PIP5K1B: variants seen among roughly 807,000 people sequenced by gnomAD.
The protein encoded by PIP5K1B is phosphatidylinositol 4-phosphate 5-kinase type-1 beta.
In PIP5K1B, 42 loss-of-function variants were observed where a neutral mutation model predicts 67.0. The ratio of observed to expected loss-of-function variants is 0.63; its 90% confidence interval spans 0.49 to 0.81. The LOEUF (loss-of-function observed/expected upper bound fraction) is 0.81. Ranked by LOEUF, PIP5K1B falls within the 30% of genes least tolerant of loss-of-function variation. PIP5K1B has a pLI of 0.00. For synonymous variants in PIP5K1B, 214 were observed against 231.4 expected (o/e 0.92, Z 0.68); for missense variants, 459 against 646.3 (o/e 0.71, Z 3.14).
chr9:68,758,008 C>G (rs893747589), intron 2 of PIP5K1B, among the ~76,000 whole-genome samples: 1 of 152,138 alleles, frequency 6.6e-6, no homozygotes, highest in African/African-American at 2.4e-5. Flanking sequence ...CCTGTTACTT[C>G]ACTATGGCTA....
chr9:68,930,172 C>T (rs377537782), intron 12 of PIP5K1B, among the ~76,000 whole-genome samples: 97 of 152,282 alleles, frequency 6.4e-4, no homozygotes, highest in African/African-American at 2.0e-3. Context: ...GGCTCTGACT[C>T]GGTCTCTTCT....
At chr9:68,832,610 C>G (rs1308374554) in intron 4 of PIP5K1B, among the ~76,000 whole-genome samples, 2 of 152,144 alleles carry the variant, frequency 1.3e-5, no homozygotes, top group Non-Finnish European at 2.9e-5. Flanking sequence ...GAAGATGGGC[C>G]GTGGGCTCTG....
intron 13 of PIP5K1B, among the ~76,000 whole-genome samples, chr9:68,935,594 A>T (rs1457486896): frequency 2.0e-5 from 3 of 152,194 alleles, no homozygotes; most frequent in Non-Finnish European, 4.4e-5. Context: ...AAAAAGAAAA[A>T]TGTCTGCTTC....
intron 7 of PIP5K1B, among the ~76,000 whole-genome samples, chr9:68,893,534 A>ATAT (rs1824918625): frequency 6.6e-6 from 1 of 152,034 alleles, no homozygotes; most frequent in Non-Finnish European, 1.5e-5. Flanking sequence ...GGGTTTCACC[A>ATAT]TGCTAGCCAG....
chr9:68,925,596 A>G (rs765626697), intron 12 of PIP5K1B, among the ~76,000 whole-genome samples: 1 of 151,854 alleles, frequency 6.6e-6, no homozygotes, highest in Admixed American at 6.6e-5. Flanking sequence ...TGTATTAAAG[A>G]TATTAACCCC....
At chr9:68,748,028 A>G (rs1829408987) in intron 2 of PIP5K1B, among the ~76,000 whole-genome samples, 1 of 152,126 alleles carries the variant, frequency 6.6e-6, no homozygotes. Context: ...CATCCTCACT[A>G]AGCAGTCACT....
chr9:68,743,171 C>T (rs970645278), intron 2 of PIP5K1B, among the ~76,000 whole-genome samples: 1 of 151,614 alleles, frequency 6.6e-6, no homozygotes, highest in East Asian at 1.9e-4. Flanking sequence ...TTCAGATCCT[C>T]TGCTGTGCAT....
chr9:68,920,211 A>G (rs1187624469), intron 11 of PIP5K1B, among the ~76,000 whole-genome samples: 2 of 152,152 alleles, frequency 1.3e-5, no homozygotes, highest in Non-Finnish European at 2.9e-5. Flanking sequence ...GGGGATAGTA[A>G]TGACACCTGC....
At chr9:68,899,481 A>G (rs931195263) in intron 8 of PIP5K1B, among the ~76,000 whole-genome samples, 5 of 152,224 alleles carry the variant, frequency 3.3e-5, no homozygotes, top group Non-Finnish European at 5.9e-5. Flanking sequence ...AGAGAAAGAA[A>G]GGTTTAGGTA....
chr9:68,961,297 T>G lies in PIP5K1B; in HGVS notation c.1502+20507T>G, dbSNP rs76702417. Among the ~76,000 whole-genome samples the G allele has an allele frequency of 1.1e-4, 17 of 152,148 alleles. No homozygotes were observed. The East Asian group carries it at 2.7e-3, about 24-fold the overall frequency. The stretch of plus-strand genomic sequence containing the variant: ...AGCAGTTACCTAGTGCTGGGGATTT[T>G]GGGGAAATGGAGTAACTATTAATGA... On this transcript the variant is annotated intron_variant, in intron 14 of 15. Transcript: ENST00000265382.
chr9:68,910,485 T>C (rs1387985252), intron 8 of PIP5K1B, among the ~76,000 whole-genome samples: 1 of 150,184 alleles, frequency 6.7e-6, no homozygotes, highest in African/African-American at 2.5e-5. Context: ...TTTTACATTC[T>C]TTATTGCTGA....
chr9:68,978,771 A>G (rs1829750392), intron 14 of PIP5K1B, among the ~76,000 whole-genome samples: 1 of 152,216 alleles, frequency 6.6e-6, no homozygotes, highest in Non-Finnish European at 1.5e-5. Context: ...TAAATTTTGA[A>G]AAATATGTAC....
chr9:68,889,297 A>T (rs948001267), intron 7 of PIP5K1B, among the ~76,000 whole-genome samples, 164 bp downstream of exon 7: 1 of 152,208 alleles, frequency 6.6e-6, no homozygotes, highest in Non-Finnish European at 1.5e-5. Context: ...TAGATTTTTT[A>T]AAGTAAACTA....
chr9:68,964,261 T>C (rs1828903795), intron 14 of PIP5K1B: 1 of 152,224 alleles, frequency 6.6e-6, no homozygotes. Flanking sequence ...GAGCATGTTA[T>C]ACTATCACAG....
chr9:68,759,862 A>T lies in PIP5K1B; in HGVS notation c.-86+17205A>T, dbSNP rs886076434. Among the ~76,000 whole-genome samples the T allele has an allele frequency of 5.3e-5, 8 of 152,258 alleles. 1 individual carries two copies. The South Asian group carries it at 1.7e-3, about 32-fold the overall frequency. On this transcript the variant is annotated intron_variant, in intron 2 of 15. Coordinates refer to ENST00000265382, the MANE Select transcript of PIP5K1B (RefSeq NM_003558.4). ...ATTTCACCTATTACATTGTATATTT[A>T]AAAACATGACTACCAGAAAAATTTA...
At chr9:68,730,331 C>T (rs1828362600) in intron 1 of PIP5K1B, among the ~76,000 whole-genome samples, 1 of 152,094 alleles carries the variant, frequency 6.6e-6, no homozygotes, top group African/African-American at 2.4e-5. Flanking sequence ...ATTTGGAGCA[C>T]CTGATACGAA....
chr9:68,934,046 C>T (rs1319514327), intron 12 of PIP5K1B, among the ~76,000 whole-genome samples: 1 of 152,170 alleles, frequency 6.6e-6, no homozygotes, highest in Non-Finnish European at 1.5e-5. Flanking sequence ...CATAAAGAGG[C>T]CTCAACTTCC....
intron 14 of PIP5K1B, among the ~76,000 whole-genome samples, chr9:68,985,290 C>T (rs1481275540): frequency 4.0e-5 from 6 of 150,040 alleles, no homozygotes; most frequent in Admixed American, 6.7e-5. Flanking sequence ...CTCACTCTGT[C>T]GCCCAGGCTG....
chr9:68,990,113 T>C (rs1269871230), intron 14 of PIP5K1B, among the ~76,000 whole-genome samples: 1 of 152,194 alleles, frequency 6.6e-6, no homozygotes, highest in Non-Finnish European at 1.5e-5. Context: ...CCTTTGGCTT[T>C]TGGTATTGTC....
Sources: allele counts gnomAD v4.1 joint callset (sites outside exome capture counted in the v4.1 genomes callset), GRCh38; gene constraint gnomAD v4.1.1; transcripts MANE v1.5; gene names NCBI Gene and HGNC (gene_info 2026-07-23, HGNC 2026-07-21).